The following HGSNAT variants were observed in gnomAD, a reference collection of about 807,000 sequenced individuals.
HGSNAT encodes the protein transmembrane protein 76.
A neutral mutation model predicts 85.2 loss-of-function variants in HGSNAT; 59 were observed. The ratio of observed to expected loss-of-function variants is 0.69; its 90% confidence interval spans 0.56 to 0.86. HGSNAT has a LOEUF of 0.86. Ranked by LOEUF, HGSNAT falls within the 40% of genes least tolerant of loss-of-function variation. HGSNAT has a pLI of 0.00. For synonymous variants in HGSNAT, 321 were observed against 304.5 expected, an observed-to-expected ratio of 1.05 and a Z score of -0.56; for missense variants, 756 against 777.1, an observed-to-expected ratio of 0.97 and a Z score of 0.32.
chr8:43,197,903 AGTTGT>A lies in HGSNAT; in HGVS notation c.1679_1683del (p.Val560GlyfsTer29). The A allele has an allele frequency of 6.2e-7, 1 of 1,613,914 alleles. No individual in the cohort carries two copies. The highest frequency in any genetic ancestry group is 8.5e-7 in the Non-Finnish European group (1 of 1,179,866). On this transcript the variant is annotated frameshift_variant, in exon 17 of 18. Transcript: ENST00000379644. LOFTEE classifies it high-confidence loss of function. ...TCTTCATCCTGCTGGTCCTGTACCC[AGTTGT>A]GGATGTGAAGGGGCTGTGGACAGGA... is the stretch of plus-strand genomic sequence containing the variant.
At position 43,178,145 on chromosome 8, in the gene HGSNAT, T is replaced by A. The variant is rs759454218; in HGVS notation, c.923T>A (p.Phe308Tyr). Residue 308 changes from phenylalanine (F) to tyrosine (Y), a missense_variant, in exon 10 of 18, where the codon TTC becomes TAC. Physicochemically the swap from Phe to Tyr is conservative, Grantham distance 22. Coordinates refer to ENST00000379644, the MANE Select transcript of HGSNAT (RefSeq NM_152419.3). ...TSILQRGCSK[F>Y]RLLGKIAWRS... ...ATACTGCAACGGGGGTGTTCAAAAT[T>A]CAGATTGCTGGGGAAGATTGCATGG... The A allele has an allele frequency of 6.2e-7, 1 of 1,607,244 alleles. No individual in the cohort carries two copies. Among genetic ancestry groups the A allele is most frequent in the South Asian group, 1.1e-5 (1 of 88,912 alleles).
rs755710040 is a variant in HGSNAT at position 43,178,072 on chromosome 8, A to C, written c.852-2A>C. 2.5e-6 allele frequency: 4 copies of C among 1,612,568 alleles called. No individual in the cohort carries two copies. In the African/African-American group the frequency reaches 5.3e-5, roughly 22 times the overall value. On this transcript the variant is annotated splice_acceptor_variant, in intron 9 of 17. Coordinates refer to ENST00000379644, the MANE Select transcript of HGSNAT (RefSeq NM_152419.3). LOFTEE classifies it high-confidence loss of function. The stretch of plus-strand genomic sequence containing the variant: ...ACCTATTAATAACTAGATTCTTTTT[A>C]GGTTTGTATTTATTATGGGATCTTC...
chr8:43,144,324 CAAAA>C (rs1398224071), intron 1 of HGSNAT, among the ~76,000 whole-genome samples: 1 of 65,000 alleles, frequency 1.5e-5, no homozygotes. Flanking sequence ...GACTCTGTCT[CAAAA>C]AAAAAAAAAA....
At chr8:43,169,268 T>A in intron 6 of HGSNAT, 26 bp downstream of exon 6, 1 of 1,438,674 alleles carries the variant, frequency 7.0e-7, no homozygotes, top group Non-Finnish European at 9.6e-7. Context: ...CATAGTGTAT[T>A]GCCCAGGTGG....
chr8:43,190,889 A>G (rs761662004), intron 11 of HGSNAT, among the ~76,000 whole-genome samples: 4 of 152,120 alleles, frequency 2.6e-5, no homozygotes, highest in African/African-American at 4.8e-5. Flanking sequence ...AGAACCCTGC[A>G]CTAACCGCCA....
chr8:43,184,903 C>T (rs1381065843), intron 11 of HGSNAT, among the ~76,000 whole-genome samples: 2 of 152,168 alleles, frequency 1.3e-5, no homozygotes, highest in Non-Finnish European at 2.9e-5. Context: ...AATCCTTTCC[C>T]CATTTCTTGT....
chr8:43,198,243 C>T (rs915215126), intron 17 of HGSNAT, among the ~76,000 whole-genome samples: 21 of 146,466 alleles, frequency 1.4e-4, no homozygotes, highest in African/African-American at 5.3e-4. Context: ...TGTGGAGGAG[C>T]GGAAATGATT....
chr8:43,185,284 C>A (rs970336691), intron 11 of HGSNAT, among the ~76,000 whole-genome samples: 3 of 152,188 alleles, frequency 2.0e-5, no homozygotes, highest in Non-Finnish European at 2.9e-5. Context: ...GAATGTTCTT[C>A]CATTTGTTTG....
At chr8:43,181,816 C>T (rs968265749) in intron 10 of HGSNAT, 1 of 282,784 alleles carries the variant, frequency 3.5e-6, no homozygotes, top group African/African-American at 2.2e-5. Flanking sequence ...TAGGAAAGAG[C>T]CAGGGTCAGG....
rs556636474 is a variant in HGSNAT at position 43,166,654 on chromosome 8, T to C, written c.564-2519T>C. Among the ~76,000 whole-genome samples the C allele has an allele frequency of 3.9e-4, 59 of 152,322 alleles. 1 individual carries two copies. The South Asian group carries it at 0.012, about 31-fold the overall frequency. ...GCAGCAAGTCACCCAAGAGCTCCAA[T>C]GGAGATGTACAAGCAGATGAATGTT... On this transcript the variant is annotated intron_variant, in intron 5 of 17. Coordinates refer to ENST00000379644, the MANE Select transcript of HGSNAT (RefSeq NM_152419.3).
intron 9 of HGSNAT, among the ~76,000 whole-genome samples, chr8:43,176,730 G>T (rs1240948201): frequency 6.6e-6 from 1 of 151,852 alleles, no homozygotes; most frequent in Non-Finnish European, 1.5e-5. Flanking sequence ...TTTCATCAGT[G>T]GTTTATAGTT....
chr8:43,171,700 A>T (rs1453991485), intron 7 of HGSNAT, among the ~76,000 whole-genome samples: 1 of 152,190 alleles, frequency 6.6e-6, no homozygotes, highest in East Asian at 1.9e-4. Flanking sequence ...TTAGATTTCC[A>T]TTGCTACTTT....
chr8:43,143,002 TG>T (rs2130661573), intron 1 of HGSNAT, among the ~76,000 whole-genome samples: 1 of 152,256 alleles, frequency 6.6e-6, no homozygotes, highest in Non-Finnish European at 1.5e-5. Flanking sequence ...TATGATCAAG[TG>T]TAGGAAAAAG....
intron 11 of HGSNAT, 121 bp downstream of exon 11, chr8:43,182,381 T>G (rs1210328247): frequency 1.2e-6 from 1 of 860,532 alleles, no homozygotes; most frequent in African/African-American, 1.7e-5. Context: ...CAAGTGATCC[T>G]CCTGCCTTGG....
chr8:43,149,292 G>A (rs1429860696), intron 2 of HGSNAT, among the ~76,000 whole-genome samples: 1 of 151,814 alleles, frequency 6.6e-6, no homozygotes, highest in Non-Finnish European at 1.5e-5. Flanking sequence ...TCCCATTATT[G>A]CAAAAAAGAT....
chr8:43,197,074 G>A, intron 15 of HGSNAT, 49 bp downstream of exon 15: 1 of 1,255,304 alleles, frequency 8.0e-7, no homozygotes, highest in Non-Finnish European at 1.2e-6. Context: ...CACATGTATA[G>A]ATATTTAAAA....
At chr8:43,175,518 G>A (rs1011631259) in intron 9 of HGSNAT, among the ~76,000 whole-genome samples, 6 of 130,332 alleles carry the variant, frequency 4.6e-5, no homozygotes, top group African/African-American at 1.7e-4. Context: ...CCATTTGGAT[G>A]TCTTCTTTTG....
chr8:43,141,948 G>A (rs944600446), intron 1 of HGSNAT, among the ~76,000 whole-genome samples: 3 of 152,196 alleles, frequency 2.0e-5, no homozygotes, highest in Non-Finnish European at 4.4e-5. Context: ...ATCACACGTA[G>A]TGAGGGGAAG....
At chr8:43,192,742 GAGACCCCGTCT>G (rs1473790241) in intron 13 of HGSNAT, among the ~76,000 whole-genome samples, 10 of 151,068 alleles carry the variant, frequency 6.6e-5, no homozygotes, top group Non-Finnish European at 1.2e-4. Context: ...GTGCAATAGT[GAGACCCCGTCT>G]CTGTAAGGAA....
Sources: gnomAD v4.1 joint callset for allele counts (sites outside exome capture counted in the v4.1 genomes callset) on GRCh38, gnomAD v4.1.1 for gene constraint, MANE v1.5 for transcripts, NCBI Gene and HGNC (gene_info 2026-07-23, HGNC 2026-07-21) for gene names.